DIP2B: variants seen among roughly 807,000 people sequenced by gnomAD.
DIP2B encodes disco-interacting protein 2 homolog B.
DIP2B carries 76 observed loss-of-function variants against 198.0 expected under a neutral mutation model. The ratio of observed to expected loss-of-function variants is 0.38; its 90% CI spans 0.32 to 0.46. DIP2B has a LOEUF of 0.46. Among genes scored for constraint, DIP2B ranks in the 20% least tolerant of loss-of-function variants. The pLI, the probability that DIP2B is intolerant of heterozygous loss-of-function variation, is 0.99. For missense variants in DIP2B, 1,559 were observed against 1,978.4 expected, an observed-to-expected ratio of 0.79 and a Z score of 4.02; for synonymous variants, 701 against 739.1, an observed-to-expected ratio of 0.95 and a Z score of 0.84.
chr12:50,690,504 G>A (rs947256521), intron 12 of DIP2B, among the ~76,000 whole-genome samples: 1 of 152,164 alleles, frequency 6.6e-6, no homozygotes, highest in Admixed American at 6.5e-5. Context: ...TGGGCAACAT[G>A]GTGAGACTCC....
At chr12:50,677,203 C>T (rs1938960573) in intron 7 of DIP2B, among the ~76,000 whole-genome samples, 1 of 152,156 alleles carries the variant, frequency 6.6e-6, no homozygotes, top group Admixed American at 6.5e-5. Context: ...GGAGACGTGC[C>T]CCACTTCTCA....
chr12:50,683,745 T>C (rs1565869917), intron 10 of DIP2B, among the ~76,000 whole-genome samples: 1 of 152,050 alleles, frequency 6.6e-6, no homozygotes, highest in Non-Finnish European at 1.5e-5. Flanking sequence ...ATCGCGCTAT[T>C]GCACTCCAGC....
At chr12:50,711,187 C>T (rs568130081) in intron 22 of DIP2B, among the ~76,000 whole-genome samples, 6 of 152,318 alleles carry the variant, frequency 3.9e-5, no homozygotes, top group East Asian at 1.9e-4. Flanking sequence ...CCATTCTTTT[C>T]GCAGTCTTTG....
chr12:50,741,393 TTCTC>T lies in DIP2B; in HGVS notation c.4355-19_4355-16del. On this transcript the variant is annotated intron_variant, in intron 36 of 37. Coordinates refer to ENST00000301180, the MANE Select transcript of DIP2B (RefSeq NM_173602.3). Reference sequence around the variant, plus strand: ...CACTCAGTATATGTCCAAGCCACATTTCTCTCTTTTTCTTTCTGTCAGAGCGTCA... The same window carrying T: ...CACTCAGTATATGTCCAAGCCACATTTCTTTTTCTTTCTGTCAGAGCGTCA... The T allele has an allele frequency of 6.2e-7, 1 of 1,611,626 alleles. No individual in the cohort carries two copies. The highest frequency in any genetic ancestry group is 8.5e-7 in the Non-Finnish European group (1 of 1,179,112).
chr12:50,537,224 G>A (rs900468424), intron 1 of DIP2B, among the ~76,000 whole-genome samples: 1 of 143,138 alleles, frequency 7.0e-6, no homozygotes. Context: ...GCCTCCCAAA[G>A]TGCTGGGATT....
chr12:50,730,520 C>T (rs1331239997), intron 30 of DIP2B, among the ~76,000 whole-genome samples: 5 of 151,886 alleles, frequency 3.3e-5, no homozygotes, highest in African/African-American at 1.2e-4. Context: ...GCTGGGACTA[C>T]AGGTGTGTGC....
intron 4 of DIP2B, among the ~76,000 whole-genome samples, chr12:50,661,323 AG>A (rs1938642715): frequency 6.6e-6 from 1 of 152,110 alleles, no homozygotes; most frequent in Non-Finnish European, 1.5e-5. Flanking sequence ...GGAGATTCCT[AG>A]GTTGCCTTAT....
rs749127201 is a variant in DIP2B at position 50,698,306 on chromosome 12, C to G, written c.2049-22C>G. 5 of 1,601,764 alleles carry G rather than the reference C, an allele frequency of 3.1e-6. No individual in the cohort carries two copies. The East Asian group carries it at 1.1e-4, about 36-fold the overall frequency. Reference sequence around the variant, plus strand: ...CCTTGATGTTATTTCATTCACCAAACTTGATGGGTTCTTCTTTTCAGGCCT... The same window carrying G: ...CCTTGATGTTATTTCATTCACCAAAGTTGATGGGTTCTTCTTTTCAGGCCT... On this transcript the variant is annotated intron_variant, in intron 17 of 37. Coordinates refer to ENST00000301180, the MANE Select transcript of DIP2B (RefSeq NM_173602.3).
intron 1 of DIP2B, among the ~76,000 whole-genome samples, chr12:50,570,694 G>A (rs1346353349): frequency 6.6e-6 from 1 of 152,248 alleles, no homozygotes; most frequent in Non-Finnish European, 1.5e-5. Context: ...GGCAACAAGA[G>A]TGAAACTCGG....
rs1940029897 is a variant in DIP2B, at chr12:50,730,834, G to C, written c.3642-535G>C. On this transcript the variant is annotated intron_variant, in intron 30 of 37. Coordinates refer to ENST00000301180, the MANE Select transcript of DIP2B (RefSeq NM_173602.3). ...ATTCATACTCATTCTTCAAGCTGCA[G>C]CTCAAGTGTCACCAGCTCAGTGAAG... Among the ~76,000 whole-genome samples, 3 of 150,194 alleles carry C rather than the reference G, an allele frequency of 2.0e-5. No homozygotes were observed. The South Asian group carries it at 6.5e-4, about 32-fold the overall frequency.
At chr12:50,534,170 T>C (rs1030217577) in intron 1 of DIP2B, among the ~76,000 whole-genome samples, 41 of 152,166 alleles carry the variant, frequency 2.7e-4, no homozygotes, top group African/African-American at 7.7e-4. Context: ...ATCAGCATTT[T>C]GGGGAACTCA....
intron 3 of DIP2B, among the ~76,000 whole-genome samples, chr12:50,648,095 T>C (rs2252595): frequency 0.89 from 134,738 of 152,060 alleles, 60,543 homozygotes; most frequent in Non-Finnish European, 0.97. Flanking sequence ...GACAGATCGA[T>C]GCTCCAACAC....
At chr12:50,734,995 A>G (rs1940110346) in intron 33 of DIP2B, 78 bp from the exon 34 acceptor site, 5 of 1,525,750 alleles carry the variant, frequency 3.3e-6, no homozygotes, top group Non-Finnish European at 4.5e-6. Flanking sequence ...GGTTGTGGGA[A>G]GGCAGCACCG....
intron 1 of DIP2B, among the ~76,000 whole-genome samples, chr12:50,561,857 TG>T (rs772771466): frequency 1.3e-5 from 2 of 152,198 alleles, no homozygotes; most frequent in Non-Finnish European, 2.9e-5. Flanking sequence ...GATCCACCCA[TG>T]TCGGCCTCCT....
chr12:50,507,743 C>G (rs938183086), intron 1 of DIP2B, among the ~76,000 whole-genome samples: 4 of 152,092 alleles, frequency 2.6e-5, no homozygotes, highest in African/African-American at 9.7e-5. Flanking sequence ...ACCGTGTTGG[C>G]CAGGCTGATC....
intron 5 of DIP2B, 36 bp downstream of exon 5, chr12:50,671,434 A>T (rs770758509): frequency 6.2e-7 from 1 of 1,601,420 alleles, no homozygotes; most frequent in East Asian, 2.2e-5. Context: ...CCCAAATTAC[A>T]TTCCATTTGG....
In DIP2B at chr12:50,745,858, A is replaced by G. The variant is rs1940334099; in HGVS notation, c.*1019A>G. 3 of 152,252 alleles carry G rather than the reference A, an allele frequency of 2.0e-5. No homozygotes were observed. The highest frequency in any genetic ancestry group is 4.4e-5 in the Non-Finnish European group (3 of 68,044). 9.4% of individuals were successfully genotyped at this position (152,252 alleles called of 1,614,324 possible). A position where few individuals can be genotyped will look rare whatever the true frequency, so the allele number is the denominator to read the frequency against. ...ATTTCCTCTTTTCCAGGCACATTGT[A>G]AACTGTGTCTACAGTTTATCCATAT... is the stretch of plus-strand genomic sequence containing the variant. On this transcript the variant is annotated 3_prime_UTR_variant, in exon 38 of 38. Coordinates refer to ENST00000301180, the MANE Select transcript of DIP2B (RefSeq NM_173602.3).
At chr12:50,590,103 C>T (rs1027871647) in intron 1 of DIP2B, among the ~76,000 whole-genome samples, 4 of 152,130 alleles carry the variant, frequency 2.6e-5, no homozygotes, top group South Asian at 4.1e-4. Flanking sequence ...TCAGATAATC[C>T]TCCTGCTTCA....
chr12:50,744,128 A>C (rs1310465478), intron 37 of DIP2B, among the ~76,000 whole-genome samples: 1 of 152,120 alleles, frequency 6.6e-6, no homozygotes, highest in East Asian at 1.9e-4. Context: ...CAGCCTCCTG[A>C]GTAGCTGGGA....
Sources: gnomAD v4.1 joint callset for allele counts (sites outside exome capture counted in the v4.1 genomes callset) on GRCh38, gnomAD v4.1.1 for gene constraint, MANE v1.5 for transcripts, NCBI Gene and HGNC (gene_info 2026-07-23, HGNC 2026-07-21) for gene names.